SCML4: variants seen among roughly 807,000 people sequenced by gnomAD.
SCML4 encodes the protein sex comb on midleg-like protein 4.
Under a neutral mutation model 41.1 loss-of-function variants are expected in SCML4, and 34 were observed. The observed-to-expected ratio is 0.83, with a 90% CI of 0.63 to 1.10. SCML4 has a LOEUF of 1.10. SCML4 is among the 50% of genes least tolerant of loss of function. SCML4 has a pLI of 0.00. For missense variants in SCML4, 522 were observed against 534.1 expected (o/e 0.98, Z 0.22); for synonymous variants, 214 against 220.9 (o/e 0.97, Z 0.28).
chr6:107,818,309 T>G lies in SCML4; in HGVS notation c.-60+5817A>C, dbSNP rs534644482. Among the ~76,000 whole-genome samples the G allele has an allele frequency of 3.3e-5, 5 of 152,216 alleles. No homozygotes were observed. The South Asian group carries it at 1.0e-3, about 32-fold the overall frequency. On this transcript the variant is annotated intron_variant, in intron 1 of 7. Transcript: ENST00000369020. ...CAAACTCCCCCAGCACAGGCCACAG[T>G]GGCAACAGCATGAACCAAATCTTGC...
At chr6:107,754,719 T>C (rs1338336438) in intron 2 of SCML4, among the ~76,000 whole-genome samples, 3 of 152,218 alleles carry the variant, frequency 2.0e-5, no homozygotes, top group African/African-American at 4.8e-5. Context: ...AAAATGACGA[T>C]GATGATGATG....
chr6:107,816,511 G>C (rs1376053289), intron 1 of SCML4, among the ~76,000 whole-genome samples: 1 of 152,150 alleles, frequency 6.6e-6, no homozygotes, highest in Non-Finnish European at 1.5e-5. Context: ...GATGGATTCT[G>C]TGCAGCTCTG....
At chr6:107,755,587 G>C (rs773723220) in intron 2 of SCML4, 8 of 1,335,800 alleles carry the variant, frequency 6.0e-6, no homozygotes, top group African/African-American at 4.7e-5. Flanking sequence ...CCAGTGGAAT[G>C]GGGGGGTTCT....
At chr6:107,835,735 G>A in the SCML4 span, among the ~76,000 whole-genome samples, 2 of 126,456 alleles carry the variant, frequency 1.6e-5, no homozygotes, top group African/African-American at 6.0e-5. Flanking sequence ...CTGCACTCCA[G>A]CCTGGGTAAG....
chr6:107,775,278 C>T (rs1780845644), intron 1 of SCML4, among the ~76,000 whole-genome samples: 1 of 152,230 alleles, frequency 6.6e-6, no homozygotes, highest in East Asian at 1.9e-4. Context: ...CCATGCCTCT[C>T]CTTCCTCAGT....
intron 7 of SCML4, among the ~76,000 whole-genome samples, chr6:107,706,461 G>T (rs545329586): frequency 2.0e-5 from 3 of 152,294 alleles, no homozygotes; most frequent in Admixed American, 2.0e-4. Flanking sequence ...TGGAGAGCAT[G>T]ATTTCTATGA....
At position 107,746,729 on chromosome 6, in the gene SCML4, G is replaced by A. The variant is rs758655825; in HGVS notation, c.447C>T (p.Phe149=). The part of the protein sequence containing the change: ...IDCAHQQKLV[F]SLVKQGYGGE... ...CACCATAGCCCTGCTTGACCAGGGA[G>A]AAGACCAGCTTCTGCTGGTGGGCGC... The change falls in exon 4 of 8, where the codon TTC becomes TTT. Residue 149 remains phenylalanine, a synonymous_variant. Transcript: ENST00000369020. 11 of 1,614,178 alleles carry A rather than the reference G, an allele frequency of 6.8e-6. 1 individual carries two copies. In the South Asian group the frequency reaches 1.2e-4, roughly 18 times the overall value.
At position 107,772,271 on chromosome 6, in the gene SCML4, CGTGGA is replaced by C; in HGVS notation, c.52_56del (p.Ser18AlafsTer8). 1 of 1,551,718 alleles carries C rather than the reference CGTGGA, an allele frequency of 6.4e-7. No individual in the cohort carries two copies. Among genetic ancestry groups the C allele is most frequent in the African/African-American group, 1.4e-5 (1 of 73,144 alleles). ...GGTTATGAACTGCCATCTTCATAGG[CGTGGA>C]GTGAAGTGAGGGTCGGCCTCGCTTT... On this transcript the variant is annotated frameshift_variant, in exon 2 of 8. Transcript: ENST00000369020. LOFTEE classifies it high-confidence loss of function.
the SCML4 span, among the ~76,000 whole-genome samples, chr6:107,839,348 A>AGAAAGAAAGAAAGAAG: frequency 8.4e-5 from 4 of 47,524 alleles, no homozygotes; most frequent in African/African-American, 3.5e-4. Flanking sequence ...AGAAAAAGAA[A>AGAAAGAAAGAAAGAAG]GAAAGAAAGA....
chr6:107,777,476 T>C (rs1232742594), intron 1 of SCML4, among the ~76,000 whole-genome samples: 1 of 152,170 alleles, frequency 6.6e-6, no homozygotes, highest in Non-Finnish European at 1.5e-5. Context: ...AAATAAGCAA[T>C]GAATGGATGA....
chr6:107,720,242 G>C, intron 6 of SCML4: 2 of 672,852 alleles, frequency 3.0e-6, no homozygotes, highest in Non-Finnish European at 3.7e-6. Context: ...GAGTGGAAGT[G>C]ATGAGCATCA....
chr6:107,714,358 C>G (rs1774539581), intron 6 of SCML4, among the ~76,000 whole-genome samples: 1 of 152,056 alleles, frequency 6.6e-6, no homozygotes. Context: ...ACTGACCCTC[C>G]CTGGTTGTCT....
intron 1 of SCML4, among the ~76,000 whole-genome samples, chr6:107,778,255 ATATATATATAACTTG>A (rs1781193225): frequency 9.1e-6 from 1 of 109,490 alleles, no homozygotes; most frequent in Non-Finnish European, 1.9e-5. Context: ...ATATATATAT[ATATATATATAACTTG>A]AGAATGCCCA....
At position 107,705,311 on chromosome 6, in the gene SCML4, G is replaced by T. The variant is rs371024966; in HGVS notation, c.1134C>A (p.Asn378Lys). Reference protein sequence around the residue: ...ELFRKHEIDGNALLLLKSDMV... With the variant: ...ELFRKHEIDGKALLLLKSDMV... ...TGTCACTCTTCAGCAACAGCAGAGC[G>T]TTGCCATCAATCTCCTGGTGGGATA... Residue 378 changes from asparagine (N) to lysine (K), a missense_variant, in exon 8 of 8, where the codon AAC becomes AAA. Physicochemically the swap from Asn to Lys is moderately conservative, Grantham distance 94. Coordinates refer to ENST00000369020, the MANE Select transcript of SCML4 (RefSeq NM_198081.5). The T allele has an allele frequency of 1.3e-6, 2 of 1,551,834 alleles. No homozygotes were observed. Among genetic ancestry groups the T allele is most frequent in the African/African-American group, 2.7e-5 (2 of 73,140 alleles).
upstream of SCML4, among the ~76,000 whole-genome samples, chr6:107,828,833 T>C (rs894455664): frequency 2.6e-5 from 4 of 152,192 alleles, no homozygotes; most frequent in Non-Finnish European, 4.4e-5. Context: ...CCCAAAGGCC[T>C]GCCTTTCATG....
chr6:107,810,414 T>C (rs2114268250), intron 1 of SCML4, among the ~76,000 whole-genome samples: 1 of 152,220 alleles, frequency 6.6e-6, no homozygotes, highest in East Asian at 1.9e-4. Flanking sequence ...GTTGCACCAC[T>C]GTGGGCAGGA....
At chr6:107,831,811 T>C in the SCML4 span, among the ~76,000 whole-genome samples, 17 of 152,116 alleles carry the variant, frequency 1.1e-4, no homozygotes, top group Non-Finnish European at 2.2e-4. Context: ...CCCAGCATTT[T>C]GGGAGGCCGA....
intron 6 of SCML4, chr6:107,718,763 A>G (rs556950128): frequency 6.6e-6 from 1 of 152,366 alleles, no homozygotes; most frequent in African/African-American, 2.4e-5. Context: ...AGTGGGAGAG[A>G]GAGTAAATAT....
At chr6:107,802,668 TCCCTCCTCTCCCTCTCCCTCC>T (rs1273124536) in intron 1 of SCML4, among the ~76,000 whole-genome samples, 1,927 of 21,284 alleles carry the variant, frequency 0.091, 226 homozygotes, top group African/African-American at 0.16. Flanking sequence ...CCTCTCCCTC[TCCCTCCTCTCCCTCTCCCTCC>T]CCCTCCTCTC....
Sources: gnomAD v4.1 joint callset for allele counts (sites outside exome capture counted in the v4.1 genomes callset) on GRCh38, gnomAD v4.1.1 for gene constraint, MANE v1.5 for transcripts, NCBI Gene and HGNC (gene_info 2026-07-23, HGNC 2026-07-21) for gene names.